The following PER2 variants were observed in gnomAD, a reference collection of about 807,000 sequenced individuals.
PER2 encodes the protein period circadian regulator 2, also known as period circadian protein homolog 2.
In PER2, 66 loss-of-function variants were observed where a neutral mutation model predicts 121.0. The ratio of observed to expected loss-of-function variants is 0.55; its 90% CI spans 0.45 to 0.67. The LOEUF is 0.67. Ranked by LOEUF, PER2 falls within the 30% of genes least tolerant of loss-of-function variation. The pLI is 0.00. For synonymous variants in PER2, 684 were observed against 659.9 expected (o/e 1.04, Z -0.56); for missense variants, 1,521 against 1,635.0 (o/e 0.93, Z 1.20).
At chr2:238,267,123 G>A (rs1236680456) in intron 8 of PER2, among the ~76,000 whole-genome samples, 8 of 151,392 alleles carry the variant, frequency 5.3e-5, no homozygotes, top group Admixed American at 4.6e-4. Context: ...AGACTCAGCT[G>A]GCTTCCCCGG....
chr2:238,262,304 A>G lies in PER2; in HGVS notation c.1194T>C (p.Ile398=), dbSNP rs145331184. ...ACTCTCCGTTCCGGGCGCGAAACCG[A>G]ATGGGAGAATAGTCGAAAGGCTGCC... ...SGGQPFDYSP[I]RFRARNGEYI... Residue 398 remains isoleucine (I), a synonymous_variant, in exon 11 of 23, where the codon ATT becomes ATC. Transcript: ENST00000254657. 6.2e-6 allele frequency: 10 copies of G among 1,613,862 alleles called. 1 individual carries two copies. In the African/African-American group the frequency reaches 8.0e-5, roughly 13 times the overall value.
intron 5 of PER2, among the ~76,000 whole-genome samples, chr2:238,271,840 G>A (rs751410921): frequency 7.2e-5 from 11 of 152,004 alleles, no homozygotes; most frequent in Non-Finnish European, 1.2e-4. Context: ...AACTCCTCCC[G>A]GACCAGAGAC....
chr2:238,271,008 C>T (rs1696266489), intron 6 of PER2, among the ~76,000 whole-genome samples: 3 of 152,228 alleles, frequency 2.0e-5, no homozygotes, highest in South Asian at 2.1e-4. Context: ...ACTGCCCCCA[C>T]GACCCGGCCT....
At chr2:238,266,150 A>ACTTG in intron 8 of PER2, among the ~76,000 whole-genome samples, 1 of 151,908 alleles carries the variant, frequency 6.6e-6, no homozygotes, top group Non-Finnish European at 1.5e-5. Context: ...TGATCCGCCC[A>ACTTG]CCTTGGCCTC....
In PER2 at chr2:238,268,078, C is replaced by T. The variant is rs113438735; in HGVS notation, c.945G>A (p.Glu315=). Residue 315 remains glutamate, a synonymous_variant, in exon 8 of 23, where the codon GAG becomes GAA. Transcript: ENST00000254657. This position sits in a 1 kb window ranked among gnomAD's most constrained non-coding sequence, Gnocchi z 4.0. The stretch of plus-strand genomic sequence containing the variant: ...TACCTTCATAACCAGAGTGCACTCT[C>T]TCTGCCAGCAGAAGGCAGCAAAGCT... The part of the protein sequence containing the change: ...ESQLCCLLLA[E]RVHSGYEAPR... 92 of 1,614,108 alleles carry T rather than the reference C, an allele frequency of 5.7e-5. No homozygotes were observed. In the African/African-American group the frequency reaches 1.2e-3, roughly 21 times the overall value.
intron 4 of PER2, among the ~76,000 whole-genome samples, chr2:238,273,958 G>A (rs944755632): frequency 2.0e-5 from 3 of 152,148 alleles, no homozygotes; most frequent in African/African-American, 4.8e-5. Context: ...GAGCCACCGC[G>A]CCCGGCCCCT....
At chr2:238,263,138 G>A (rs776098838) in intron 9 of PER2, 80 bp from the exon 10 acceptor site, 10 of 885,350 alleles carry the variant, frequency 1.1e-5, no homozygotes, top group Non-Finnish European at 1.9e-5. Context: ...CTTATTCCCT[G>A]GAAAGAGAAG....
intron 1 of PER2, among the ~76,000 whole-genome samples, chr2:238,285,161 G>A (rs1368101325): frequency 2.0e-5 from 3 of 152,254 alleles, no homozygotes; most frequent in Non-Finnish European, 4.4e-5. Flanking sequence ...TTGCATGTCC[G>A]CCTACTGGCT....
At position 238,252,249 on chromosome 2, in the gene PER2, G is replaced by C. The variant is rs1416005282; in HGVS notation, c.3112-488C>G. Among the ~76,000 whole-genome samples the C allele has an allele frequency of 6.6e-6, 1 of 152,154 alleles. No homozygotes were observed. Among genetic ancestry groups the C allele is most frequent in the Admixed American group, 6.5e-5 (1 of 15,286 alleles). Reference sequence around the variant, plus strand: ...GAGCCCGGAGGTGGCAGGAGGACTGGGAGAAGCTCCACAGATCTACATGCT... The same window carrying C: ...GAGCCCGGAGGTGGCAGGAGGACTGCGAGAAGCTCCACAGATCTACATGCT... On this transcript the variant is annotated intron_variant, in intron 19 of 22. Coordinates refer to ENST00000254657, the MANE Select transcript of PER2 (RefSeq NM_022817.3). This position sits in a 1 kb window ranked among gnomAD's most constrained non-coding sequence, Gnocchi z 4.2.
Position 238,247,275 on chromosome 2 carries a change from G to A in PER2, c.3619-751C>T, listed in dbSNP as rs180934430. 6.6e-5 allele frequency: 10 copies of A among 152,460 alleles called. No individual in the cohort carries two copies. In the East Asian group the frequency reaches 1.7e-3, roughly 26 times the overall value. 9.4% of individuals were successfully genotyped at this position (152,460 alleles called of 1,614,324 possible). On this transcript the variant is annotated intron_variant, in intron 22 of 22. Transcript: ENST00000254657. ...CTTTTCCTCTCTGGGGAAGTCACCT[G>A]CTACACTGTGAGGACATCCAGGCAG...
At chr2:238,293,120 C>T (rs115683751), upstream of PER2, among the ~76,000 whole-genome samples, 303 of 151,994 alleles carry the variant, frequency 2.0e-3, no homozygotes, top group African/African-American at 7.0e-3. Context: ...AAATACCTCT[C>T]CAAAATACAT....
At chr2:238,262,590 G>A (rs1314893421) in intron 10 of PER2, among the ~76,000 whole-genome samples, 1 of 152,084 alleles carries the variant, frequency 6.6e-6, no homozygotes, top group Non-Finnish European at 1.5e-5. Flanking sequence ...ATGAGGGCTG[G>A]GCTTGGTGAG....
In PER2 at chr2:238,276,013, T is replaced by C. The variant is rs543690933; in HGVS notation, c.294-116A>G. 1.6e-4 allele frequency: 116 copies of C among 739,546 alleles called. No individual in the cohort carries two copies. In the African/African-American group the frequency reaches 1.7e-3, roughly 11 times the overall value. 45.8% of individuals were successfully genotyped at this position (739,546 alleles called of 1,614,324 possible). A position where few individuals can be genotyped will look rare whatever the true frequency, so the allele number is the denominator to read the frequency against. On this transcript the variant is annotated intron_variant, in intron 3 of 22. Coordinates refer to ENST00000254657, the MANE Select transcript of PER2 (RefSeq NM_022817.3). The stretch of plus-strand genomic sequence containing the variant: ...GGCTCTAGAGATGTTCTGGTCTGGG[T>C]GGCCCTTTGTGGGGCTCTGTAGATT...
the PER2 span, chr2:238,295,564 C>G: frequency 6.6e-6 from 1 of 152,374 alleles, no homozygotes; most frequent in Admixed American, 6.5e-5. Context: ...GAGGCATCCC[C>G]TCGAGCGGTG....
intron 3 of PER2, among the ~76,000 whole-genome samples, chr2:238,276,441 G>C (rs1000567318): frequency 6.6e-6 from 1 of 152,236 alleles, no homozygotes; most frequent in African/African-American, 2.4e-5. Flanking sequence ...GCTCAGGAAA[G>C]GATACTGGTC....
chr2:238,253,168 C>T lies in PER2; in HGVS notation c.2855G>A (p.Arg952Gln), dbSNP rs201560338. The change falls in exon 19 of 23, where the codon CGG becomes CAG. Residue 952 changes from arginine to glutamine, a missense_variant. Transcript: ENST00000254657. This position sits in a 1 kb window ranked among gnomAD's most constrained non-coding sequence, Gnocchi z 5.6. Reference sequence around the variant, plus strand: ...ACATGGCTGTCTGGGGATCGAGGTCCGGCTGGGGAACTCAGGCTGTGAGGC... The same window carrying T: ...ACATGGCTGTCTGGGGATCGAGGTCTGGCTGGGGAACTCAGGCTGTGAGGC... ...ASASQPEFPSRTSIPRQPCAC... is the reference protein window; with the variant it reads ...ASASQPEFPSQTSIPRQPCAC... 204 of 1,594,228 alleles carry T rather than the reference C, an allele frequency of 1.3e-4. No individual in the cohort carries two copies. The highest frequency in any genetic ancestry group is 1.2e-3 in the South Asian group (107 of 88,814).
chr2:238,284,643 G>A (rs1696731138), intron 1 of PER2, among the ~76,000 whole-genome samples: 1 of 152,186 alleles, frequency 6.6e-6, no homozygotes, highest in Non-Finnish European at 1.5e-5. Context: ...CATGCTGTCT[G>A]GGCCCCGGGT....
At chr2:238,246,943 C>G (rs963611566) in intron 22 of PER2, among the ~76,000 whole-genome samples, 1 of 152,138 alleles carries the variant, frequency 6.6e-6, no homozygotes, top group Non-Finnish European at 1.5e-5. Flanking sequence ...AGGTGGCTGG[C>G]AGCAAAGGCC....
chr2:238,257,983 C>G (rs1695813449), intron 16 of PER2, among the ~76,000 whole-genome samples: 2 of 152,012 alleles, frequency 1.3e-5, no homozygotes, highest in Non-Finnish European at 2.9e-5. Context: ...CTCAGTGTGG[C>G]CGCATGAAGG....
Sources: allele counts gnomAD v4.1 joint callset (sites outside exome capture counted in the v4.1 genomes callset), GRCh38; gene constraint gnomAD v4.1.1; non-coding constraint Gnocchi (gnomAD v3.1); transcripts MANE v1.5; gene names NCBI Gene and HGNC (gene_info 2026-07-23, HGNC 2026-07-21).